Variants in NLRP12 observed in about 807,000 individuals in gnomAD.
The protein encoded by NLRP12 is NLR family pyrin domain containing 12, also known as NACHT, LRR and PYD domains-containing protein 12.
In NLRP12, 108 loss-of-function variants were observed where a neutral mutation model predicts 91.2. The ratio of observed to expected loss-of-function variants is 1.18; its 90% CI spans 1.01 to 1.39. The LOEUF (loss-of-function observed/expected upper bound fraction) is 1.39, where lower values mean the gene tolerates loss of function less well. Among genes scored for constraint, NLRP12 ranks in the 40% most tolerant of loss-of-function variants. The probability of loss-of-function intolerance (pLI) is 0.00; values close to 1 mark genes in which losing one functional copy is unlikely to be tolerated. For missense variants in NLRP12, 1,530 were observed against 1,352.7 expected, an observed-to-expected ratio of 1.13 and a Z score of -2.06; for synonymous variants, 613 against 566.7, an observed-to-expected ratio of 1.08 and a Z score of -1.16.
intron 2 of NLRP12, among the ~76,000 whole-genome samples, chr19:53,811,755 C>T (rs536225339): frequency 1.4e-3 from 213 of 151,534 alleles, no homozygotes; most frequent in South Asian, 6.7e-3. Context: ...TTAGTAGAGA[C>T]GGGGTTTCAC....
At position 53,811,022 on chromosome 19, in the gene NLRP12, C is replaced by A; in HGVS notation, c.637G>T (p.Val213Leu). 6.2e-7 allele frequency: 1 copy of A among 1,613,182 alleles called. No individual in the cohort carries two copies. The highest frequency in any genetic ancestry group is 8.5e-7 in the Non-Finnish European group (1 of 1,179,216). The change falls in exon 3 of 10, where the codon GTG becomes TTG. Residue 213 changes from valine to leucine, a missense_variant. Transcript: ENST00000324134. ...ATCCCTGCCGCGCCTTGCATGACCA[C>A]GGTGCGCGGTGGCTCGGGGCGCTCC... ...DEERPEPPRT[V>L]VMQGAAGIGK... is the part of the protein sequence containing the mutation.
intron 3 of NLRP12, chr19:53,807,970 G>T: frequency 2.6e-6 from 1 of 380,426 alleles, no homozygotes; most frequent in Non-Finnish European, 5.2e-6. Context: ...GGCTGATCTC[G>T]TACTCCTGAC....
At chr19:53,801,438 C>T (rs1050879513) in intron 6 of NLRP12, 41 bp from the exon 7 acceptor site, 9 of 1,520,200 alleles carry the variant, frequency 5.9e-6, no homozygotes, top group Non-Finnish European at 7.9e-6. Flanking sequence ...GGAGGCTTTC[C>T]TTTCTTTTTC....
intron 9 of NLRP12, among the ~76,000 whole-genome samples, chr19:53,794,714 T>C (rs1390380049): frequency 6.6e-6 from 1 of 150,782 alleles, no homozygotes; most frequent in Non-Finnish European, 1.5e-5. Flanking sequence ...TTGCCCAGGC[T>C]AGAGTGCAGT....
At chr19:53,813,299 CTTTTT>C in intron 2 of NLRP12, among the ~76,000 whole-genome samples, 2 of 86,008 alleles carry the variant, frequency 2.3e-5, no homozygotes, top group South Asian at 4.1e-4. Context: ...TTTTTCTTTT[CTTTTT>C]TTTTTTTTTT....
intron 4 of NLRP12, chr19:53,805,733 G>A: frequency 7.1e-6 from 3 of 421,330 alleles, no homozygotes; most frequent in Non-Finnish European, 1.4e-5. Flanking sequence ...GGCCAGGCTG[G>A]TCTTGAACTC....
At position 53,810,624 on chromosome 19, in the gene NLRP12, C is replaced by T. The variant is rs770310990; in HGVS notation, c.1035G>A (p.Thr345=). 10 of 1,613,994 alleles carry T rather than the reference C, an allele frequency of 6.2e-6. No homozygotes were observed. Among genetic ancestry groups the T allele is most frequent in the Non-Finnish European group, 4.2e-6 (5 of 1,180,042 alleles). ...GCAGACGGTGGAGCTTCTCCAAAGC[C>T]GTGGGCCGTGTGGTGATGAGCAAAG... is the stretch of plus-strand genomic sequence containing the variant. ...ELSLLITTRP[T]ALEKLHRLLE... Residue 345 remains threonine, a synonymous_variant, in exon 3 of 10, where the codon ACG becomes ACA. Transcript: ENST00000324134.
intron 1 of NLRP12, 132 bp downstream of exon 1, chr19:53,823,754 T>C (rs1338425094): frequency 2.0e-6 from 2 of 1,020,594 alleles, no homozygotes; most frequent in Non-Finnish European, 3.1e-6. Context: ...CTCACTATGT[T>C]GTCCAGACTG....
intron 1 of NLRP12, among the ~76,000 whole-genome samples, chr19:53,815,378 G>A (rs145125528): frequency 0.013 from 1,989 of 151,802 alleles, 40 homozygotes; most frequent in African/African-American, 0.046. Flanking sequence ...ACAGGTGTGC[G>A]CCACAATGCC....
chr19:53,795,788 A>C, intron 9 of NLRP12, 71 bp downstream of exon 9: 1 of 1,422,128 alleles, frequency 7.0e-7, no homozygotes, highest in Non-Finnish European at 9.9e-7. Flanking sequence ...TTGTCCATCC[A>C]GCTTATCTAC....
chr19:53,803,931 T>G (rs2091913418), intron 6 of NLRP12, 21 bp downstream of exon 6: 1 of 1,611,442 alleles, frequency 6.2e-7, no homozygotes, highest in South Asian at 1.1e-5. Flanking sequence ...TTTATTATAG[T>G]TGACCCCAGG....
intron 7 of NLRP12, among the ~76,000 whole-genome samples, chr19:53,799,973 A>G (rs1378745345): frequency 6.6e-6 from 1 of 152,038 alleles, no homozygotes; most frequent in African/African-American, 2.4e-5. Context: ...ACACCAGCCT[A>G]GGCAACAAAT....
rs143739468 is a variant in NLRP12 at position 53,805,350 on chromosome 19, C to T, written c.2344G>A (p.Val782Ile). The T allele has an allele frequency of 1.3e-5, 21 of 1,613,924 alleles. No individual in the cohort carries two copies. Among genetic ancestry groups the T allele is most frequent in the South Asian group, 3.3e-5 (3 of 91,088 alleles). Residue 782 changes from valine to isoleucine, a missense_variant, in exon 5 of 10, where the codon GTT becomes ATT. Physicochemically the swap from Val to Ile is conservative, Grantham distance 29. Coordinates refer to ENST00000324134, the MANE Select transcript of NLRP12 (RefSeq NM_144687.4). ...AGCAGCATCATGCCTGGGAATCCAA[C>T]GCCGTTGCCACTGAGATCCATCCTT... The part of the protein sequence containing the change: ...LTRMDLSGNG[V>I]GFPGMMLLCE...
chr19:53,796,491 C>T (rs972740871), intron 8 of NLRP12, among the ~76,000 whole-genome samples: 4 of 152,110 alleles, frequency 2.6e-5, no homozygotes, highest in Non-Finnish European at 5.9e-5. Context: ...TCGTGATCCG[C>T]CCGCCTCAGC....
chr19:53,794,956 C>CT (rs1028902622), intron 9 of NLRP12, among the ~76,000 whole-genome samples: 37 of 151,826 alleles, frequency 2.4e-4, no homozygotes, highest in African/African-American at 7.5e-4. Context: ...CTGCCTTGGC[C>CT]TTTTTTTTCT....
chr19:53,798,117 C>T, intron 8 of NLRP12, 126 bp downstream of exon 8: 2 of 1,086,086 alleles, frequency 1.8e-6, no homozygotes, highest in Non-Finnish European at 2.8e-6. Context: ...CTTTCCACCT[C>T]TCTTCTTGCT....
intron 6 of NLRP12, among the ~76,000 whole-genome samples, chr19:53,802,202 G>C (rs557572573): frequency 4.1e-4 from 62 of 152,052 alleles, no homozygotes; most frequent in African/African-American, 1.4e-3. Flanking sequence ...ACTCCAGCCT[G>C]GGCAACAAGA....
At chr19:53,803,881 G>T in intron 6 of NLRP12, 71 bp downstream of exon 6, 1 of 1,484,226 alleles carries the variant, frequency 6.7e-7, no homozygotes, top group Non-Finnish European at 9.4e-7. Context: ...ACCTGTGGAT[G>T]CATTTTTATA....
At chr19:53,811,513 C>CA (rs1280655130) in intron 2 of NLRP12, among the ~76,000 whole-genome samples, 4 of 149,688 alleles carry the variant, frequency 2.7e-5, no homozygotes, top group Non-Finnish European at 1.5e-5. Flanking sequence ...GACTCCATCT[C>CA]AAAAAAAAAT....
Sources: gnomAD v4.1 joint callset for allele counts (sites outside exome capture counted in the v4.1 genomes callset) on GRCh38, gnomAD v4.1.1 for gene constraint, MANE v1.5 for transcripts, NCBI Gene and HGNC (gene_info 2026-07-23, HGNC 2026-07-21) for gene names.